The following TUBGCP4 variants were observed in gnomAD, a reference collection of about 807,000 sequenced individuals.
TUBGCP4 encodes gamma-tubulin complex component 4.
TUBGCP4 carries 54 observed loss-of-function variants against 91.6 expected under a neutral mutation model. The ratio of observed to expected loss-of-function variants is 0.59; its 90% CI spans 0.47 to 0.74. TUBGCP4 has a LOEUF of 0.74. Ranked by LOEUF, TUBGCP4 falls within the 30% of genes least tolerant of loss-of-function variation. The probability of loss-of-function intolerance (pLI) is 0.00; values close to 1 mark genes in which losing one functional copy is unlikely to be tolerated. For missense variants in TUBGCP4, 593 were observed against 800.9 expected, an observed-to-expected ratio of 0.74 and a Z score of 3.13; for synonymous variants, 297 against 302.8, an observed-to-expected ratio of 0.98 and a Z score of 0.20.
rs559718234 is a variant in TUBGCP4, at chr15:43,394,700, C to T, written c.1015-407C>T. 2.4e-5 allele frequency: 5 copies of T among 208,544 alleles called. No homozygotes were observed. In the South Asian group the frequency reaches 3.4e-4, roughly 14 times the overall value. 12.9% of individuals were successfully genotyped at this position (208,544 alleles called of 1,614,324 possible). ...TTAGCGCCATTCCCCTTGGTACTGT[C>T]CTCACGATAGTAAGTTCTCATGAGA... On this transcript the variant is annotated intron_variant, in intron 9 of 17. Transcript: ENST00000564079.
At position 43,407,253 on chromosome 15, in the gene TUBGCP4, A is replaced by G. The variant is rs2044931875; in HGVS notation, c.*2039A>G. ...GAGATTCAACATTTATTTTATCATA[A>G]AAGTTCAGCAAATAAAACTATATAC... On this transcript the variant is annotated 3_prime_UTR_variant, in exon 18 of 18. Transcript: ENST00000564079. The G allele has an allele frequency of 4.0e-6, 3 of 745,782 alleles. No individual in the cohort carries two copies. The highest frequency in any genetic ancestry group is 2.8e-5 in the Admixed American group (1 of 35,636). 46.2% of individuals were successfully genotyped at this position (745,782 alleles called of 1,614,324 possible). A position where few individuals can be genotyped will look rare whatever the true frequency, so the allele number is the denominator to read the frequency against.
At chr15:43,386,137 C>T (rs1034325993) in intron 8 of TUBGCP4, 69 bp from the exon 9 acceptor site, 27 of 1,549,390 alleles carry the variant, frequency 1.7e-5, no homozygotes, top group Non-Finnish European at 2.1e-5. Context: ...GAGATTAGCC[C>T]TCCCCAGAAA....
At position 43,398,144 on chromosome 15, in the gene TUBGCP4, A is replaced by G; in HGVS notation, c.1383A>G (p.Pro461=). The G allele has an allele frequency of 6.2e-7, 1 of 1,613,994 alleles. No individual in the cohort carries two copies. The highest frequency in any genetic ancestry group is 8.5e-7 in the Non-Finnish European group (1 of 1,179,932). The change falls in exon 13 of 18, where the codon CCA becomes CCG. Residue 461 remains proline, a synonymous_variant. Coordinates refer to ENST00000564079, the MANE Select transcript of TUBGCP4 (RefSeq NM_014444.5). ...GTCTTTCCTACAAAGTACAGTGGCC[A>G]CTACATATTCTCTTCACCCCAGCTG... ...ALGLSYKVQW[P]LHILFTPAVL...
Position 43,409,240 on chromosome 15 carries a change from A to G in TUBGCP4, c.*4026A>G. The G allele has an allele frequency of 2.9e-6, 2 of 692,854 alleles. No individual in the cohort carries two copies. Among genetic ancestry groups the G allele is most frequent in the Non-Finnish European group, 4.9e-6 (2 of 409,258 alleles). 42.9% of individuals were successfully genotyped at this position (692,854 alleles called of 1,614,324 possible). On this transcript the variant is annotated 3_prime_UTR_variant, in exon 18 of 18. Transcript: ENST00000564079. ...GATTTAGTCTATCCTGCCCAAGGCC[A>G]CTCTTCTCACTGGAAGGCCCAAGTA...
chr15:43,381,361 A>C (rs2044282537), intron 6 of TUBGCP4, among the ~76,000 whole-genome samples: 1 of 152,214 alleles, frequency 6.6e-6, no homozygotes, highest in African/African-American at 2.4e-5. Context: ...TAACACAGTC[A>C]AGTTCTTGTA....
rs751289334 is a variant in TUBGCP4 at position 43,397,248 on chromosome 15, G to A, written c.1206G>A (p.Lys402=). 1.9e-6 allele frequency: 3 copies of A among 1,614,044 alleles called. No individual in the cohort carries two copies. In the African/African-American group the frequency reaches 4.0e-5, roughly 22 times the overall value. ...TGGCCTTTCAACAGTCAGCACACAA[G>A]GTATTGCTAGATGATGACAACCTTC... ...VNVAFQQSAH[K]VLLDDDNLLP... The change falls in exon 12 of 18, where the codon AAG becomes AAA. Residue 402 remains lysine (K), a synonymous_variant. Coordinates refer to ENST00000564079, the MANE Select transcript of TUBGCP4 (RefSeq NM_014444.5).
chr15:43,387,817 C>T (rs2044401850), intron 9 of TUBGCP4, among the ~76,000 whole-genome samples: 1 of 152,012 alleles, frequency 6.6e-6, no homozygotes, highest in African/African-American at 2.4e-5. Context: ...TCCAGAGCTT[C>T]TGATTCATAG....
chr15:43,407,031 T>TAGAC lies in TUBGCP4; in HGVS notation c.*1819_*1822dup. 2 of 247,406 alleles carry TAGAC rather than the reference T, an allele frequency of 8.1e-6. No homozygotes were observed. Among genetic ancestry groups the TAGAC allele is most frequent in the Admixed American group, 5.0e-5 (1 of 19,908 alleles). The allele number at this position is 247,406 out of a possible 1,614,324, so 15.3% of individuals were successfully genotyped here. ...CTGAGTTTCTGCAAGCATAGCATTT[T>TAGAC]AGACACCCTGGAATAACCTTTTGGG... is the stretch of plus-strand genomic sequence containing the variant. On this transcript the variant is annotated 3_prime_UTR_variant, in exon 18 of 18. Coordinates refer to ENST00000564079, the MANE Select transcript of TUBGCP4 (RefSeq NM_014444.5).
In TUBGCP4 at chr15:43,401,700, T is replaced by C. The variant is rs1430536005; in HGVS notation, c.1597-16T>C. 1 of 1,612,542 alleles carries C rather than the reference T, an allele frequency of 6.2e-7. No homozygotes were observed. The highest frequency in any genetic ancestry group is 8.5e-7 in the Non-Finnish European group (1 of 1,179,546). ...AGAATATGCAAAGTGCTAAAATTTT[T>C]TGTAATGTCTATCAGGTAGATGTGT... On this transcript the variant is annotated splice_polypyrimidine_tract_variant and intron_variant, in intron 14 of 17. Transcript: ENST00000564079.
At position 43,386,345 on chromosome 15, in the gene TUBGCP4, G is replaced by GTGTA; in HGVS notation, c.1014+16_1014+17insGTAT. 1 of 316,852 alleles carries GTGTA rather than the reference G, an allele frequency of 3.2e-6. No individual in the cohort carries two copies. The highest frequency in any genetic ancestry group is 5.2e-5 in the Admixed American group (1 of 19,130). 19.6% of individuals were successfully genotyped at this position (316,852 alleles called of 1,614,324 possible). ...CTGTGGCTGAGGTTTGTGTTTCATCGTATATATATATATATATATATATAT... is the reference window on the plus strand; with the variant it reads ...CTGTGGCTGAGGTTTGTGTTTCATCGTGTATATATATATATATATATATATATAT... On this transcript the variant is annotated intron_variant, in intron 9 of 17. Coordinates refer to ENST00000564079, the MANE Select transcript of TUBGCP4 (RefSeq NM_014444.5).
In TUBGCP4 at chr15:43,402,717, C is replaced by T. The variant is rs567719980; in HGVS notation, c.1731+867C>T. On this transcript the variant is annotated intron_variant, in intron 15 of 17. Transcript: ENST00000564079. ...AATTAGAATCCCTGTAATAGTGGGA[C>T]CCAGGTACTAATTTTTTTTAAAGCT... 8 of 152,208 alleles carry T rather than the reference C, an allele frequency of 5.3e-5. No individual in the cohort carries two copies. The East Asian group carries it at 1.3e-3, about 26-fold the overall frequency. The allele number at this position is 152,208 out of a possible 1,614,324, so 9.4% of individuals were successfully genotyped here.
chr15:43,371,210 A>G lies in TUBGCP4; in HGVS notation c.-145A>G. The G allele has an allele frequency of 1.3e-6, 1 of 779,988 alleles. No individual in the cohort carries two copies. Among genetic ancestry groups the G allele is most frequent in the East Asian group, 2.7e-5 (1 of 37,208 alleles). 48.3% of individuals were successfully genotyped at this position (779,988 alleles called of 1,614,324 possible). A position where few individuals can be genotyped will look rare whatever the true frequency, so the allele number is the denominator to read the frequency against. On this transcript the variant is annotated 5_prime_UTR_variant, in exon 1 of 18. Coordinates refer to ENST00000564079, the MANE Select transcript of TUBGCP4 (RefSeq NM_014444.5). ...GCTTCCCGTCCGCTCCGCCGCAGCG[A>G]TTGTCTCGGTGGGTTGATTCGGCAC...
intron 6 of TUBGCP4, among the ~76,000 whole-genome samples, chr15:43,381,801 C>G (rs1595481560): frequency 6.6e-6 from 1 of 152,056 alleles, no homozygotes; most frequent in East Asian, 1.9e-4. Context: ...TTAACATTTG[C>G]CACGTTTGAT....
At chr15:43,400,927 A>C (rs2044666517) in intron 14 of TUBGCP4, among the ~76,000 whole-genome samples, 1 of 151,986 alleles carries the variant, frequency 6.6e-6, no homozygotes, top group African/African-American at 2.4e-5. Context: ...CCAAAAAAAA[A>C]AAACTCCAGG....
chr15:43,400,098 G>A lies in TUBGCP4; in HGVS notation c.1473G>A (p.Leu491=). ...LLSVRRVQAE[L]QHCWALQMQR... Reference sequence around the variant, plus strand: ...GTGTGCGCCGGGTGCAAGCTGAGCTGCAGCACTGCTGGGCCCTACAAATGC... The same window carrying A: ...GTGTGCGCCGGGTGCAAGCTGAGCTACAGCACTGCTGGGCCCTACAAATGC... Residue 491 remains leucine, a synonymous_variant, in exon 14 of 18, where the codon CTG becomes CTA. Transcript: ENST00000564079. The A allele has an allele frequency of 6.2e-7, 1 of 1,614,136 alleles. No individual in the cohort carries two copies. Among genetic ancestry groups the A allele is most frequent in the Non-Finnish European group, 8.5e-7 (1 of 1,179,988 alleles).
intron 11 of TUBGCP4, among the ~76,000 whole-genome samples, chr15:43,396,718 A>ACCTCTTTCTG (rs2044586380): frequency 6.6e-6 from 1 of 151,950 alleles, no homozygotes; most frequent in Non-Finnish European, 1.5e-5. Context: ...GTCTCTTTCC[A>ACCTCTTTCTG]TCTTCTACCT....
intron 10 of TUBGCP4, chr15:43,395,379 AT>A (rs1271717425): frequency 1.5e-6 from 1 of 660,010 alleles, no homozygotes; most frequent in African/African-American, 1.8e-5. Flanking sequence ...TTATGTTGCT[AT>A]TGAATAAATA....
chr15:43,375,085 T>C lies in TUBGCP4; in HGVS notation c.79-1013T>C, dbSNP rs1489868944. Reference sequence around the variant, plus strand: ...GCCTGGCTAATTTTCGTATTTTTAGTAGAGACAGGGTTTCATCATGTTGGC... The same window carrying C: ...GCCTGGCTAATTTTCGTATTTTTAGCAGAGACAGGGTTTCATCATGTTGGC... On this transcript the variant is annotated intron_variant, in intron 1 of 17. Transcript: ENST00000564079. Among the ~76,000 whole-genome samples, 3 of 152,330 alleles carry C rather than the reference T, an allele frequency of 2.0e-5. No homozygotes were observed. The South Asian group carries it at 6.2e-4, about 32-fold the overall frequency.
intron 9 of TUBGCP4, among the ~76,000 whole-genome samples, chr15:43,389,299 T>C (rs2142831249): frequency 1.3e-5 from 2 of 152,368 alleles, no homozygotes; most frequent in South Asian, 4.1e-4. Context: ...ACTTGCAACG[T>C]GTTGAACTCT....
Sources: allele counts gnomAD v4.1 joint callset (sites outside exome capture counted in the v4.1 genomes callset), GRCh38; gene constraint gnomAD v4.1.1; transcripts MANE v1.5; gene names NCBI Gene and HGNC (gene_info 2026-07-23, HGNC 2026-07-21).